DENND1B: variants seen among roughly 807,000 people sequenced by gnomAD.
The protein encoded by DENND1B is DENN domain-containing protein 1B.
A neutral mutation model predicts 90.1 loss-of-function variants in DENND1B; 59 were observed. The ratio of observed to expected loss-of-function variants is 0.65; its 90% CI spans 0.53 to 0.81. The LOEUF (loss-of-function observed/expected upper bound fraction) is 0.81, where lower values mean the gene tolerates loss of function less well. DENND1B is among the 40% of genes least tolerant of loss of function. The pLI, the probability that DENND1B is intolerant of heterozygous loss-of-function variation, is 0.00. For missense variants in DENND1B, 862 were observed against 912.6 expected, an observed-to-expected ratio of 0.94 and a Z score of 0.71; for synonymous variants, 337 against 324.6, an observed-to-expected ratio of 1.04 and a Z score of -0.41.
intron 3 of DENND1B, among the ~76,000 whole-genome samples, chr1:197,705,371 G>A (rs1357806548): frequency 1.3e-5 from 2 of 152,030 alleles, no homozygotes; most frequent in Non-Finnish European, 1.5e-5. Flanking sequence ...CTTCAAGAAG[G>A]CTATAAGAAT....
At chr1:197,700,374 T>C (rs1346642647) in intron 3 of DENND1B, among the ~76,000 whole-genome samples, 1 of 152,018 alleles carries the variant, frequency 6.6e-6, no homozygotes, top group African/African-American at 2.4e-5. Context: ...GGGGAAAGGA[T>C]CTCCTATTCA....
In DENND1B at chr1:197,554,911, T is replaced by A. The variant is rs76801603; in HGVS notation, c.1150-1799A>T. Reference sequence around the variant, plus strand: ...GTCACACCAGTTATAAGACTTTGATTCAAAAATCTCTTACAGAAAAAATTA... The same window carrying A: ...GTCACACCAGTTATAAGACTTTGATACAAAAATCTCTTACAGAAAAAATTA... On this transcript the variant is annotated intron_variant, in intron 15 of 22. Transcript: ENST00000620048. Among the ~76,000 whole-genome samples, 856 of 151,244 alleles carry A rather than the reference T, an allele frequency of 5.7e-3. 12 individuals carry two copies. The highest frequency in any genetic ancestry group is 0.019 in the African/African-American group (799 of 41,218).
chr1:197,590,298 A>G (rs528816836), intron 14 of DENND1B, among the ~76,000 whole-genome samples: 14 of 152,278 alleles, frequency 9.2e-5, no homozygotes, highest in Non-Finnish European at 1.3e-4. Context: ...CCCAAGTCAT[A>G]CAACTAGTTG....
At chr1:197,703,598 A>G (rs1379764280) in intron 3 of DENND1B, among the ~76,000 whole-genome samples, 1 of 152,210 alleles carries the variant, frequency 6.6e-6, no homozygotes, top group Non-Finnish European at 1.5e-5. Context: ...GGTCTTGAAC[A>G]TGAGCACACA....
chr1:197,621,153 A>G (rs1413768785), intron 10 of DENND1B, among the ~76,000 whole-genome samples: 3 of 151,372 alleles, frequency 2.0e-5, no homozygotes, highest in Non-Finnish European at 4.4e-5. Context: ...ATAGAGAAGC[A>G]GAATCAATGA....
chr1:197,626,492 C>G (rs1474728911), intron 10 of DENND1B, among the ~76,000 whole-genome samples: 1 of 152,084 alleles, frequency 6.6e-6, no homozygotes, highest in African/African-American at 2.4e-5. Flanking sequence ...AACAAAGACA[C>G]AACATACCAC....
chr1:197,776,962 A>G (rs1277486986), upstream of DENND1B, among the ~76,000 whole-genome samples: 2 of 152,226 alleles, frequency 1.3e-5, no homozygotes, highest in Non-Finnish European at 2.9e-5. Flanking sequence ...CAAGTAAAAC[A>G]GGTGCTACAA....
At chr1:197,609,881 C>T (rs1677026376) in intron 12 of DENND1B, among the ~76,000 whole-genome samples, 2 of 150,546 alleles carry the variant, frequency 1.3e-5, no homozygotes, top group South Asian at 4.1e-4. Context: ...TTCAGTCTTA[C>T]ATACTAAATA....
intron 13 of DENND1B, among the ~76,000 whole-genome samples, chr1:197,600,900 AAG>A (rs1676147066): frequency 6.6e-6 from 1 of 151,632 alleles, no homozygotes; most frequent in South Asian, 2.1e-4. Context: ...CTTTACTATT[AAG>A]CTGGAGAAGA....
intron 15 of DENND1B, among the ~76,000 whole-genome samples, chr1:197,553,320 G>C (rs553404849): frequency 6.6e-6 from 1 of 152,190 alleles, no homozygotes; most frequent in Admixed American, 6.6e-5. Flanking sequence ...GTAGACAGCA[G>C]CTAATTAATT....
chr1:197,538,656 AT>A (rs67761711), intron 20 of DENND1B, among the ~76,000 whole-genome samples: 2,266 of 105,858 alleles, frequency 0.021, 29 homozygotes, highest in African/African-American at 0.05. Context: ...AATTAATGGG[AT>A]TTTTTTTTTT....
chr1:197,736,688 TC>T (rs34730446), intron 2 of DENND1B, among the ~76,000 whole-genome samples: 12 of 152,152 alleles, frequency 7.9e-5, no homozygotes, highest in African/African-American at 2.4e-4. Flanking sequence ...ATAAAAATCA[TC>T]CCTGAGATAA....
At chr1:197,551,342 T>C (rs1206452646) in intron 16 of DENND1B, among the ~76,000 whole-genome samples, 2 of 152,144 alleles carry the variant, frequency 1.3e-5, no homozygotes, top group African/African-American at 4.8e-5. Context: ...TTTGTCAAAT[T>C]AGGCTTTCCT....
chr1:197,632,124 G>T (rs1333592643), intron 10 of DENND1B, among the ~76,000 whole-genome samples: 1 of 152,028 alleles, frequency 6.6e-6, no homozygotes, highest in African/African-American at 2.4e-5. Context: ...TCTTTTAACT[G>T]ATCTCCTGTC....
intron 10 of DENND1B, among the ~76,000 whole-genome samples, chr1:197,635,616 G>A (rs1318424605): frequency 6.6e-6 from 1 of 152,120 alleles, no homozygotes; most frequent in East Asian, 1.9e-4. Flanking sequence ...GGGATTACAG[G>A]CATGAGCTAC....
chr1:197,722,310 C>T (rs943859463), intron 2 of DENND1B, among the ~76,000 whole-genome samples: 1 of 151,916 alleles, frequency 6.6e-6, no homozygotes, highest in African/African-American at 2.4e-5. Context: ...CCCAAAGTTA[C>T]ACTGTATCCT....
upstream of DENND1B, among the ~76,000 whole-genome samples, chr1:197,776,951 T>G (rs1303131273): frequency 6.6e-6 from 1 of 152,192 alleles, no homozygotes; most frequent in Non-Finnish European, 1.5e-5. Context: ...AGTGTGATGT[T>G]CAAGTAAAAC....
intron 3 of DENND1B, chr1:197,690,446 G>C (rs772048582): frequency 5.9e-6 from 1 of 170,140 alleles, no homozygotes. Context: ...TTGAAATCTA[G>C]TGATGCTGCC....
At chr1:197,612,903 C>G (rs1677305854) in intron 11 of DENND1B, among the ~76,000 whole-genome samples, 1 of 150,636 alleles carries the variant, frequency 6.6e-6, no homozygotes. Context: ...GAAAATTATT[C>G]AACTTGACAT....
Sources: gnomAD v4.1 joint callset for allele counts (sites outside exome capture counted in the v4.1 genomes callset) on GRCh38, gnomAD v4.1.1 for gene constraint, MANE v1.5 for transcripts, NCBI Gene and HGNC (gene_info 2026-07-23, HGNC 2026-07-21) for gene names.